Variants in GAD1 observed in about 807,000 individuals in gnomAD.
GAD1 encodes 67 kDa glutamic acid decarboxylase.
GAD1 carries 35 observed loss-of-function variants against 75.2 expected under a neutral mutation model. That is an observed-to-expected ratio of 0.47 (90% CI 0.36 to 0.62). The LOEUF (loss-of-function observed/expected upper bound fraction) is 0.62. GAD1 is among the 20% of genes least tolerant of loss of function. The pLI is 0.00. For synonymous variants in GAD1, 257 were observed against 271.9 expected, an observed-to-expected ratio of 0.95 and a Z score of 0.54; for missense variants, 490 against 758.5, an observed-to-expected ratio of 0.65 and a Z score of 4.16.
intron 12 of GAD1, among the ~76,000 whole-genome samples, chr2:170,850,984 C>T (rs1226493258): frequency 1.3e-5 from 2 of 151,350 alleles, no homozygotes; most frequent in Admixed American, 1.3e-4. Context: ...GCTGCACTCC[C>T]GCCTGAGTGA....
chr2:170,815,125 G>A (rs1323024964), upstream of GAD1, among the ~76,000 whole-genome samples: 1 of 152,150 alleles, frequency 6.6e-6, no homozygotes, highest in Non-Finnish European at 1.5e-5. Context: ...AGGAGGGCCG[G>A]TGGATGGAAT....
chr2:170,822,016 A>G, intron 2 of GAD1, 71 bp from the exon 3 acceptor site: 2 of 1,291,132 alleles, frequency 1.5e-6, no homozygotes, highest in Non-Finnish European at 2.2e-6. Flanking sequence ...CAAGAAAACC[A>G]TTGTCCTCCA....
chr2:170,843,783 A>G, intron 6 of GAD1: 1 of 475,630 alleles, frequency 2.1e-6, no homozygotes, highest in Non-Finnish European at 3.8e-6. Flanking sequence ...TGCCTAAGAC[A>G]TTCCATTCAG....
intron 10 of GAD1, 145 bp from the exon 11 acceptor site, chr2:170,847,531 A>G: frequency 1.4e-6 from 1 of 733,662 alleles, no homozygotes; most frequent in Admixed American, 1.8e-5. Context: ...AGCCAACAAA[A>G]CACTACTAGA....
At chr2:170,821,873 T>G in intron 2 of GAD1, 1 of 573,048 alleles carries the variant, frequency 1.7e-6, no homozygotes, top group Non-Finnish European at 3.1e-6. Flanking sequence ...CCGTTCCATA[T>G]TTGAAGCCAG....
chr2:170,830,698 G>A (rs1420757153), intron 4 of GAD1, among the ~76,000 whole-genome samples: 1 of 152,198 alleles, frequency 6.6e-6, no homozygotes, highest in Non-Finnish European at 1.5e-5. Context: ...GGTTGTTCAC[G>A]GCGTCTCAGA....
At chr2:170,839,996 T>C (rs1445762265) in intron 6 of GAD1, among the ~76,000 whole-genome samples, 1 of 152,224 alleles carries the variant, frequency 6.6e-6, no homozygotes, top group East Asian at 1.9e-4. Context: ...GGTCATTAGA[T>C]AGGAGCCTGC....
chr2:170,852,612 A>G, intron 12 of GAD1, 102 bp from the exon 13 acceptor site: 1 of 948,480 alleles, frequency 1.1e-6, no homozygotes. Flanking sequence ...ATAGGCATGG[A>G]TAATATTTAC....
intron 3 of GAD1, among the ~76,000 whole-genome samples, 197 bp downstream of exon 3, chr2:170,822,346 C>T (rs974808562): frequency 6.6e-6 from 1 of 152,194 alleles, no homozygotes; most frequent in Non-Finnish European, 1.5e-5. Context: ...ACCTGGTCCC[C>T]AGGGGTCTTT....
intron 1 of GAD1, chr2:170,817,330 C>G (rs1701732907): frequency 6.7e-6 from 1 of 150,260 alleles, no homozygotes; most frequent in Admixed American, 6.7e-5. Flanking sequence ...GGGGCAAGAG[C>G]GATTTTCCCT....
At chr2:170,822,442 C>T (rs1319817250) in intron 3 of GAD1, among the ~76,000 whole-genome samples, 3 of 152,234 alleles carry the variant, frequency 2.0e-5, no homozygotes, top group Admixed American at 6.5e-5. Flanking sequence ...AAAGCGCCCC[C>T]GCGCGGCAAC....
intron 6 of GAD1, among the ~76,000 whole-genome samples, chr2:170,840,495 G>A (rs1025680502): frequency 1.3e-5 from 2 of 152,196 alleles, no homozygotes; most frequent in South Asian, 2.1e-4. Flanking sequence ...CAGATTTTGT[G>A]TGCCTTTCTA....
At chr2:170,829,101 T>A in intron 3 of GAD1, 1 of 354,360 alleles carries the variant, frequency 2.8e-6, no homozygotes, top group Non-Finnish European at 5.5e-6. Flanking sequence ...ATACAGCCCA[T>A]AAACAGTGCT....
chr2:170,832,664 GCACACACACA>G (rs3049892), intron 5 of GAD1, among the ~76,000 whole-genome samples: 3 of 78,912 alleles, frequency 3.8e-5, no homozygotes, highest in African/African-American at 1.1e-4. Context: ...GCGCGCGCGC[GCACACACACA>G]CACACACACA....
rs146199288 is a variant in GAD1 at position 170,857,077 on chromosome 2, T to C, written c.1473T>C (p.Tyr491=). ...GCCTGGAACTGGCTGAATACCTCTA[T>C]GCCAAGATTAAAAACAGAGAAGAAT... is the stretch of plus-strand genomic sequence containing the variant. ...NKCLELAEYL[Y]AKIKNREEFE... The change falls in exon 15 of 17, where the codon TAT becomes TAC. Residue 491 remains tyrosine (Y), a synonymous_variant. Transcript: ENST00000358196. The C allele has an allele frequency of 1.9e-3, 3,049 of 1,613,868 alleles. 8 individuals carry two copies. Among genetic ancestry groups the C allele is most frequent in the Non-Finnish European group, 2.3e-3 (2,769 of 1,179,974 alleles).
chr2:170,816,889 C>T lies in GAD1; in HGVS notation c.-223C>T, dbSNP rs1047737778. 1.2e-5 allele frequency: 2 copies of T among 165,516 alleles called. No homozygotes were observed. Among genetic ancestry groups the T allele is most frequent in the Non-Finnish European group, 2.6e-5 (2 of 76,692 alleles). 10.3% of individuals were successfully genotyped at this position (165,516 alleles called of 1,614,324 possible). On this transcript the variant is annotated 5_prime_UTR_variant, in exon 1 of 17. Transcript: ENST00000358196. ...TGCAGCCGCCTCTCCGAATCTCTCTCTTCTCCTGGCGCTCGCGTGCGAGAG... is the reference window on the plus strand; with the variant it reads ...TGCAGCCGCCTCTCCGAATCTCTCTTTTCTCCTGGCGCTCGCGTGCGAGAG...
rs777210775 is a variant in GAD1 at position 170,849,306 on chromosome 2, G to C, written c.1140G>C (p.Leu380=). The C allele has an allele frequency of 3.7e-6, 6 of 1,613,900 alleles. No individual in the cohort carries two copies. The African/African-American group carries it at 8.0e-5, about 22-fold the overall frequency. The change falls in exon 12 of 17, where the codon CTG becomes CTC. Residue 380 remains leucine, a synonymous_variant. Transcript: ENST00000358196. ...LHVDAAWGGG[L]LMSRKHRHKL... ...CACAGGCTGCCTGGGGAGGTGGGCT[G>C]CTCATGTCCAGGAAGCACCGCCATA...
At position 170,858,898 on chromosome 2, in the gene GAD1, G is replaced by A. The variant is rs147201199; in HGVS notation, c.1611+5G>A. 4.3e-4 allele frequency: 691 copies of A among 1,613,450 alleles called. 4 individuals carry two copies. In the Middle Eastern group the frequency reaches 4.9e-3, roughly 12 times the overall value. On this transcript the variant is annotated splice_donor_5th_base_variant and intron_variant, in intron 16 of 16. Transcript: ENST00000358196. ...CGACGGGAAAAGCTACACAAGGTAT[G>A]GACTTGCTTTTTGTCTCATCTAATC... is the stretch of plus-strand genomic sequence containing the variant.
At chr2:170,827,286 T>G (rs913869180) in intron 3 of GAD1, among the ~76,000 whole-genome samples, 7 of 152,236 alleles carry the variant, frequency 4.6e-5, no homozygotes. Context: ...TGGGACTTTC[T>G]TCCAAGTCTG....
Sources: allele counts gnomAD v4.1 joint callset (sites outside exome capture counted in the v4.1 genomes callset), GRCh38; gene constraint gnomAD v4.1.1; transcripts MANE v1.5; gene names NCBI Gene and HGNC (gene_info 2026-07-23, HGNC 2026-07-21).